Variants in CEP89 observed in about 807,000 individuals in gnomAD.
CEP89 encodes centrosomal protein 89.
Under a neutral mutation model 97.6 loss-of-function variants are expected in CEP89, and 95 were observed. That is an observed-to-expected ratio of 0.97 (90% CI 0.82 to 1.15). CEP89 has a LOEUF of 1.15. CEP89 is among the 50% of genes most tolerant of loss of function. The pLI is 0.00. For synonymous variants in CEP89, 354 were observed against 349.1 expected (o/e 1.01, Z -0.16); for missense variants, 869 against 947.7 (o/e 0.92, Z 1.09).
At chr19:32,904,749 A>G (rs965760475) in intron 14 of CEP89, among the ~76,000 whole-genome samples, 1 of 151,678 alleles carries the variant, frequency 6.6e-6, no homozygotes, top group African/African-American at 2.4e-5. Flanking sequence ...GCGCCATCAC[A>G]CCCAGCGAAT....
rs1344302552 is a variant in CEP89 at position 32,901,363 on chromosome 19, T to A, written c.1615A>T (p.Met539Leu). The stretch of plus-strand genomic sequence containing the variant: ...GCTTGCAGGACTGTCAGCTTCTCCA[T>A]CAACTCCTCCATCTCAGCCCTTTCT... ...EKERAEMEELMEKLTVLQAQK... is the reference protein window; with the variant it reads ...EKERAEMEELLEKLTVLQAQK... Residue 539 changes from methionine to leucine, a missense_variant, in exon 15 of 19, where the codon ATG becomes TTG. By Grantham distance (15) the Met-to-Leu change is conservative (BLOSUM62 2). Coordinates refer to ENST00000305768, the MANE Select transcript of CEP89 (RefSeq NM_032816.5). The A allele has an allele frequency of 1.9e-6, 3 of 1,614,164 alleles. No individual in the cohort carries two copies. The highest frequency in any genetic ancestry group is 1.3e-5 in the African/African-American group (1 of 75,046).
At chr19:32,942,880 C>T (rs1265819119) in intron 5 of CEP89, among the ~76,000 whole-genome samples, 3 of 147,612 alleles carry the variant, frequency 2.0e-5, no homozygotes, top group Non-Finnish European at 4.5e-5. Flanking sequence ...GACAGGGTCT[C>T]ACTCTGTCAC....
At chr19:32,917,793 G>A (rs1195379437) in intron 13 of CEP89, 35 of 984,960 alleles carry the variant, frequency 3.6e-5, no homozygotes, top group Non-Finnish European at 4.2e-5. Context: ...CAGTGATGTC[G>A]CCTCCCAGGC....
intron 6 of CEP89, among the ~76,000 whole-genome samples, chr19:32,937,953 T>G (rs1970611728): frequency 6.6e-6 from 1 of 151,646 alleles, no homozygotes; most frequent in African/African-American, 2.4e-5. Flanking sequence ...GAAATCCTCC[T>G]ACCTCAGCCT....
At chr19:32,890,522 C>G (rs1004869987) in intron 16 of CEP89, among the ~76,000 whole-genome samples, 6 of 152,126 alleles carry the variant, frequency 3.9e-5, no homozygotes, top group African/African-American at 1.4e-4. Flanking sequence ...TCAGTCATCG[C>G]ACGGAGAACA....
At chr19:32,911,342 C>T (rs1407981577) in intron 14 of CEP89, among the ~76,000 whole-genome samples, 2 of 152,196 alleles carry the variant, frequency 1.3e-5, no homozygotes, top group African/African-American at 4.8e-5. Context: ...AAAAATGTTT[C>T]CTTCCTCTAC....
At chr19:32,911,939 T>TA (rs1335648367) in intron 14 of CEP89, among the ~76,000 whole-genome samples, 1 of 152,020 alleles carries the variant, frequency 6.6e-6, no homozygotes, top group African/African-American at 2.4e-5. Flanking sequence ...TATAAAAACA[T>TA]ACAAAAGGCC....
In CEP89 at chr19:32,899,836, T is replaced by A. The variant is rs1234064987; in HGVS notation, c.1875+21A>T. The A allele has an allele frequency of 5.0e-6, 8 of 1,601,340 alleles. No individual in the cohort carries two copies. In the South Asian group the frequency reaches 9.0e-5, roughly 18 times the overall value. ...GCATATTAACTCGCAGTTTACTTGA[T>A]GTAACCTTCAGGAAACTTACCAAAC... On this transcript the variant is annotated intron_variant, in intron 16 of 18. Coordinates refer to ENST00000305768, the MANE Select transcript of CEP89 (RefSeq NM_032816.5).
chr19:32,913,644 T>C (rs1363908185), intron 14 of CEP89, among the ~76,000 whole-genome samples: 1 of 151,182 alleles, frequency 6.6e-6, no homozygotes. Context: ...ACACACTTTT[T>C]TTTTTTTTTT....
At chr19:32,940,140 C>T (rs1970658463) in intron 5 of CEP89, among the ~76,000 whole-genome samples, 1 of 152,196 alleles carries the variant, frequency 6.6e-6, no homozygotes, top group South Asian at 2.1e-4. Context: ...CAAAGCCAAA[C>T]TCTTCAGTGT....
At chr19:32,942,343 C>T (rs557948163) in intron 5 of CEP89, among the ~76,000 whole-genome samples, 127 of 152,166 alleles carry the variant, frequency 8.3e-4, no homozygotes, top group African/African-American at 2.9e-3. Flanking sequence ...ATCACGCCAC[C>T]ACACTCCAGC....
chr19:32,879,303 C>T lies in CEP89; in HGVS notation c.2211G>A (p.Gln737=). The change falls in exon 19 of 19, where the codon CAG becomes CAA. Residue 737 remains glutamine (Q), a synonymous_variant. Transcript: ENST00000305768. ...GCACGCCTGTCCTCGTGAGTGTGTC[C>T]TGGAGAAGTTCTCGGATTCTTCGGT... The part of the protein sequence containing the change: ...RENRRIRELL[Q]DTLTRTGVQD... The T allele has an allele frequency of 6.2e-7, 1 of 1,614,250 alleles. No homozygotes were observed. The highest frequency in any genetic ancestry group is 8.5e-7 in the Non-Finnish European group (1 of 1,180,042).
intron 16 of CEP89, among the ~76,000 whole-genome samples, chr19:32,893,350 A>T (rs1254439543): frequency 6.6e-6 from 1 of 152,204 alleles, no homozygotes; most frequent in African/African-American, 2.4e-5. Flanking sequence ...CTAAACATAT[A>T]TGCACCCAAC....
At chr19:32,951,409 C>T (rs1970908322) in intron 4 of CEP89, among the ~76,000 whole-genome samples, 1 of 151,772 alleles carries the variant, frequency 6.6e-6, no homozygotes, top group African/African-American at 2.4e-5. Context: ...TCACTTGAAC[C>T]CAGGAGGCGG....
intron 3 of CEP89, among the ~76,000 whole-genome samples, chr19:32,957,993 G>A (rs1161850337): frequency 6.9e-6 from 1 of 144,198 alleles, no homozygotes; most frequent in Non-Finnish European, 1.5e-5. Flanking sequence ...GAGATCCTGT[G>A]TCAAAACAAA....
In CEP89 at chr19:32,953,819, T is replaced by C. The variant is rs554270772; in HGVS notation, c.306-18A>G. 5.8e-5 allele frequency: 91 copies of C among 1,573,130 alleles called. 2 individuals are homozygous for C. The South Asian group carries it at 9.7e-4, about 17-fold the overall frequency. On this transcript the variant is annotated intron_variant, in intron 3 of 18. Transcript: ENST00000305768. The stretch of plus-strand genomic sequence containing the variant: ...AATTTGGCCTGTATTAGAATATTCA[T>C]GGGGAAAACAAACAAAAAGTCACTT...
At chr19:32,955,554 C>T (rs925585301) in intron 3 of CEP89, among the ~76,000 whole-genome samples, 10 of 152,152 alleles carry the variant, frequency 6.6e-5, no homozygotes, top group Admixed American at 5.2e-4. Context: ...CGCTCTGTCA[C>T]CCAGGCTGGA....
At chr19:32,945,816 T>G (rs1308656175) in intron 5 of CEP89, among the ~76,000 whole-genome samples, 1 of 152,156 alleles carries the variant, frequency 6.6e-6, no homozygotes, top group Non-Finnish European at 1.5e-5. Context: ...CTTTAATTTT[T>G]TGGGTGGCCA....
chr19:32,923,839 G>A (rs1970302173), intron 11 of CEP89, among the ~76,000 whole-genome samples: 1 of 152,152 alleles, frequency 6.6e-6, no homozygotes, highest in Non-Finnish European at 1.5e-5. Context: ...GCCGAATACT[G>A]ATAGAAAAGG....
Sources: allele counts gnomAD v4.1 joint callset (sites outside exome capture counted in the v4.1 genomes callset), GRCh38; gene constraint gnomAD v4.1.1; transcripts MANE v1.5; gene names NCBI Gene and HGNC (gene_info 2026-07-23, HGNC 2026-07-21).